CHODL: variants seen among roughly 807,000 people sequenced by gnomAD.
The protein encoded by CHODL is transmembrane protein MT75.
CHODL carries 29 observed loss-of-function variants against 34.5 expected under a neutral mutation model. The ratio of observed to expected loss-of-function variants is 0.84; its 90% CI spans 0.63 to 1.15. The LOEUF (loss-of-function observed/expected upper bound fraction) is 1.15. Ranked by LOEUF, CHODL falls within the 50% of genes most tolerant of loss-of-function variation. The pLI is 0.00. For missense variants in CHODL, 332 were observed against 332.5 expected (o/e 1.00, Z 0.01); for synonymous variants, 125 against 116.1 (o/e 1.08, Z -0.49).
chr21:17,974,171 T>C (rs1350306020), intron 1 of CHODL, among the ~76,000 whole-genome samples: 2 of 152,190 alleles, frequency 1.3e-5, no homozygotes, highest in Non-Finnish European at 2.9e-5. Context: ...CACACAGATA[T>C]GATGAACCAA....
At chr21:18,150,426 G>C (rs960649712) in intron 2 of CHODL, among the ~76,000 whole-genome samples, 2 of 152,102 alleles carry the variant, frequency 1.3e-5, no homozygotes, top group African/African-American at 4.8e-5. Context: ...TCAGATAGTT[G>C]GGAAGCCTTA....
At chr21:17,975,158 T>C (rs928228682) in intron 1 of CHODL, among the ~76,000 whole-genome samples, 1 of 152,000 alleles carries the variant, frequency 6.6e-6, no homozygotes, top group Non-Finnish European at 1.5e-5. Flanking sequence ...AAAGATTATG[T>C]CCTTTTCAGC....
At chr21:17,965,863 A>G (rs895973885) in intron 1 of CHODL, among the ~76,000 whole-genome samples, 7 of 151,718 alleles carry the variant, frequency 4.6e-5, no homozygotes, top group Non-Finnish European at 1.0e-4. Flanking sequence ...AAATTACTTA[A>G]TTGTTCTATT....
At chr21:17,985,642 CT>C (rs2063747670) in intron 1 of CHODL, among the ~76,000 whole-genome samples, 1 of 152,154 alleles carries the variant, frequency 6.6e-6, no homozygotes, top group Admixed American at 6.6e-5. Flanking sequence ...AAGGAAGTCT[CT>C]TATGACCTAA....
At chr21:18,135,543 A>T (rs925156720) in intron 2 of CHODL, among the ~76,000 whole-genome samples, 1 of 151,962 alleles carries the variant, frequency 6.6e-6, no homozygotes. Flanking sequence ...CCACTCCTTC[A>T]TCTGGTCAAT....
intron 2 of CHODL, among the ~76,000 whole-genome samples, chr21:18,091,692 G>T (rs1441466832): frequency 6.6e-6 from 1 of 152,162 alleles, no homozygotes; most frequent in Non-Finnish European, 1.5e-5. Context: ...CAACATTTCT[G>T]ATCCTGTCCT....
intron 1 of CHODL, among the ~76,000 whole-genome samples, chr21:17,969,590 A>T (rs1010824058): frequency 2.0e-5 from 3 of 152,200 alleles, no homozygotes; most frequent in African/African-American, 7.2e-5. Flanking sequence ...GACAGTGTAT[A>T]CCATTTTTAT....
chr21:18,058,988 C>CTGGTG (rs1231314741), intron 2 of CHODL, among the ~76,000 whole-genome samples: 2 of 152,144 alleles, frequency 1.3e-5, no homozygotes, highest in Non-Finnish European at 2.9e-5. Context: ...CATCCCTGAC[C>CTGGTG]TGGTGTTATG....
chr21:18,073,516 A>G (rs1205451837), intron 2 of CHODL, among the ~76,000 whole-genome samples: 1 of 152,114 alleles, frequency 6.6e-6, no homozygotes, highest in African/African-American at 2.4e-5. Context: ...TTAAACTTTC[A>G]GGAAGATTCT....
intron 2 of CHODL, among the ~76,000 whole-genome samples, chr21:18,168,042 GAAT>G (rs2073179128): frequency 6.6e-6 from 1 of 152,106 alleles, no homozygotes; most frequent in Admixed American, 6.5e-5. Flanking sequence ...CTCCTGTGAT[GAAT>G]TCTTCCTGCC....
intron 1 of CHODL, among the ~76,000 whole-genome samples, chr21:18,252,463 A>C (rs768533405): frequency 2.6e-5 from 4 of 152,262 alleles, no homozygotes; most frequent in Admixed American, 1.3e-4. Flanking sequence ...AATTAGGGCA[A>C]CATTTGTTTC....
At chr21:18,145,259 AC>A (rs66583826) in intron 2 of CHODL, among the ~76,000 whole-genome samples, 143,306 of 143,410 alleles carry the variant, frequency 1, 71,601 homozygotes, top group Middle Eastern at 1. Flanking sequence ...ACAAGGTGAA[AC>A]CCCCGTCTCT....
chr21:18,250,757 T>A (rs930498022), intron 1 of CHODL, among the ~76,000 whole-genome samples: 29 of 151,942 alleles, frequency 1.9e-4, no homozygotes, highest in African/African-American at 7.0e-4. Flanking sequence ...AAGAAGAAAT[T>A]ATGAAAAAGA....
intron 2 of CHODL, among the ~76,000 whole-genome samples, chr21:18,225,552 T>A (rs1418219537): frequency 6.6e-6 from 1 of 152,092 alleles, no homozygotes; most frequent in Non-Finnish European, 1.5e-5. Flanking sequence ...AAAAGAAAAA[T>A]CTATTATGTA....
intron 1 of CHODL, among the ~76,000 whole-genome samples, chr21:17,982,563 A>G (rs901258266): frequency 1.3e-5 from 2 of 151,988 alleles, no homozygotes; most frequent in Admixed American, 6.6e-5. Context: ...TTTCCTGATT[A>G]TGAAAATATT....
rs969580486 is a variant in CHODL, at chr21:18,216,978, A to C, written c.-44-39531A>C. ...TGGGGACACAGATCCAAACCATATC[A>C]GCAGGATTTCATCCTTTTTTATTGC... On this transcript the variant is annotated intron_variant, in intron 2 of 6. Transcript: ENST00000400127. Among the ~76,000 whole-genome samples the C allele has an allele frequency of 1.4e-3, 209 of 152,288 alleles. 1 individual carries two copies. The highest frequency in any genetic ancestry group is 4.5e-3 in the African/African-American group (189 of 41,568).
intron 1 of CHODL, among the ~76,000 whole-genome samples, chr21:17,977,562 A>G (rs1476482970): frequency 2.7e-5 from 4 of 150,484 alleles, no homozygotes; most frequent in Non-Finnish European, 4.4e-5. Flanking sequence ...GGATTTCACC[A>G]TGTTGGCCAG....
At chr21:18,197,591 G>A (rs889732305) in intron 2 of CHODL, among the ~76,000 whole-genome samples, 2 of 152,108 alleles carry the variant, frequency 1.3e-5, no homozygotes, top group African/African-American at 4.8e-5. Context: ...ACTCAACCTG[G>A]GTGATAGAGC....
chr21:18,119,696 G>A (rs1156682944), intron 2 of CHODL, among the ~76,000 whole-genome samples: 3 of 152,104 alleles, frequency 2.0e-5, no homozygotes, highest in Non-Finnish European at 4.4e-5. Flanking sequence ...GGTTTATGGA[G>A]ATTATATAAT....
Sources: gnomAD v4.1 joint callset for allele counts (sites outside exome capture counted in the v4.1 genomes callset) on GRCh38, gnomAD v4.1.1 for gene constraint, MANE v1.5 for transcripts, NCBI Gene and HGNC (gene_info 2026-07-23, HGNC 2026-07-21) for gene names.